Variants in ITFG1 observed in about 807,000 individuals in gnomAD.
ITFG1 encodes integrin alpha FG-GAP repeat containing 1, also known as T-cell immunomodulatory protein.
In ITFG1, 34 loss-of-function variants were observed where a neutral mutation model predicts 81.8. The observed-to-expected ratio is 0.42, with a 90% CI of 0.32 to 0.55. The LOEUF is 0.55. ITFG1 is among the 20% of genes least tolerant of loss of function. The pLI is 0.17. For missense variants in ITFG1, 672 were observed against 755.4 expected, an observed-to-expected ratio of 0.89 and a Z score of 1.29; for synonymous variants, 285 against 270.6, an observed-to-expected ratio of 1.05 and a Z score of -0.52.
intron 14 of ITFG1, among the ~76,000 whole-genome samples, chr16:47,190,738 G>T (rs1965282446): frequency 6.6e-6 from 1 of 152,136 alleles, no homozygotes; most frequent in Non-Finnish European, 1.5e-5. Flanking sequence ...TGCAATTATT[G>T]TTGTGTAACA....
chr16:47,343,764 T>C (rs1230546164), intron 8 of ITFG1, among the ~76,000 whole-genome samples: 2 of 152,128 alleles, frequency 1.3e-5, no homozygotes, highest in African/African-American at 4.8e-5. Flanking sequence ...GAACGTAAAA[T>C]GTTTACATTA....
intron 6 of ITFG1, among the ~76,000 whole-genome samples, chr16:47,406,577 C>T (rs1014631488): frequency 6.6e-6 from 1 of 152,030 alleles, no homozygotes; most frequent in Non-Finnish European, 1.5e-5. Context: ...CTGTCAAGTC[C>T]CTATTTGGTG....
intron 14 of ITFG1, among the ~76,000 whole-genome samples, chr16:47,189,275 G>A (rs540730261): frequency 6.6e-6 from 1 of 152,132 alleles, no homozygotes; most frequent in African/African-American, 2.4e-5. Context: ...GTGGTTTTTA[G>A]TACACTGACA....
At chr16:47,172,042 A>G (rs1964969062) in intron 14 of ITFG1, among the ~76,000 whole-genome samples, 1 of 152,150 alleles carries the variant, frequency 6.6e-6, no homozygotes, top group Admixed American at 6.5e-5. Context: ...TATATAATTA[A>G]CTTGACTTAG....
intron 14 of ITFG1, among the ~76,000 whole-genome samples, chr16:47,195,890 C>T (rs981037577): frequency 6.6e-6 from 1 of 152,050 alleles, no homozygotes; most frequent in Admixed American, 6.6e-5. Context: ...CCCAACAGGC[C>T]CTAGTGTGTG....
In ITFG1 at chr16:47,313,737, T is replaced by C. The variant is rs1466806734; in HGVS notation, c.889A>G (p.Met297Val). 4 of 1,573,070 alleles carry C rather than the reference T, an allele frequency of 2.5e-6. No individual in the cohort carries two copies. Among genetic ancestry groups the C allele is most frequent in the Middle Eastern group, 1.7e-4 (1 of 5,964 alleles). ...AAAACAACTTGATATACCTGCTTCA[T>C]CCCAGATCTCACTAAGTAGATGGTA... is the stretch of plus-strand genomic sequence containing the variant. ...KSTIYLVRSG[M>V]KQWVPVLQDF... The change falls in exon 9 of 18, where the codon ATG (methionine) becomes GTG (valine). Residue 297 changes from methionine (M) to valine (V), a missense_variant. Met to Val is a conservative substitution (Grantham distance 21, BLOSUM62 1). Transcript: ENST00000320640.
rs533443813 is a variant in ITFG1 at position 47,198,026 on chromosome 16, G to A, written c.1453+20842C>T. Among the ~76,000 whole-genome samples, 7 of 152,312 alleles carry A rather than the reference G, an allele frequency of 4.6e-5. No individual in the cohort carries two copies. In the South Asian group the frequency reaches 1.4e-3, roughly 32 times the overall value. On this transcript the variant is annotated intron_variant, in intron 14 of 17. Transcript: ENST00000320640. Reference sequence around the variant, plus strand: ...AGGGCTCAGAGATTACATTGTGGTAGGTAGTGGAATCAGACTGTTATTACG... The same window carrying A: ...AGGGCTCAGAGATTACATTGTGGTAAGTAGTGGAATCAGACTGTTATTACG...
chr16:47,341,116 A>C (rs1047511170), intron 8 of ITFG1, among the ~76,000 whole-genome samples: 2 of 152,058 alleles, frequency 1.3e-5, no homozygotes, highest in Admixed American at 1.3e-4. Flanking sequence ...CACTAGGGAA[A>C]TGAGAAAGTA....
chr16:47,354,254 T>C (rs1968008248), intron 8 of ITFG1, among the ~76,000 whole-genome samples: 1 of 152,142 alleles, frequency 6.6e-6, no homozygotes, highest in African/African-American at 2.4e-5. Context: ...TCCATGCATC[T>C]ACAGCCAGCT....
intron 14 of ITFG1, among the ~76,000 whole-genome samples, chr16:47,193,144 G>A (rs1001999086): frequency 1.3e-5 from 2 of 151,556 alleles, no homozygotes; most frequent in Admixed American, 6.6e-5. Context: ...TTTACATGTT[G>A]GATGGGAAAC....
chr16:47,190,139 T>C (rs1384209872), intron 14 of ITFG1, among the ~76,000 whole-genome samples: 2 of 152,240 alleles, frequency 1.3e-5, no homozygotes, highest in East Asian at 3.9e-4. Context: ...TAATTTTCCT[T>C]GTTGGAGATC....
chr16:47,421,856 G>A (rs1389144508), intron 6 of ITFG1, among the ~76,000 whole-genome samples: 2 of 152,130 alleles, frequency 1.3e-5, no homozygotes, highest in African/African-American at 4.8e-5. Context: ...AGGGTCTGGT[G>A]TGTGATGTTC....
At chr16:47,315,932 G>A (rs961856625) in intron 8 of ITFG1, among the ~76,000 whole-genome samples, 5 of 151,776 alleles carry the variant, frequency 3.3e-5, no homozygotes, top group South Asian at 2.1e-4. Flanking sequence ...CTGGGATTAC[G>A]GGCATCTGCC....
intron 14 of ITFG1, among the ~76,000 whole-genome samples, chr16:47,184,653 G>A (rs1189003786): frequency 6.6e-6 from 1 of 151,914 alleles, no homozygotes; most frequent in Non-Finnish European, 1.5e-5. Flanking sequence ...AGGAACAACT[G>A]GTACCAGCCG....
intron 14 of ITFG1, among the ~76,000 whole-genome samples, chr16:47,193,603 A>G (rs1965319396): frequency 6.6e-6 from 1 of 152,168 alleles, no homozygotes; most frequent in Admixed American, 6.5e-5. Context: ...CTGCAGTGGG[A>G]GGATCTCTTG....
chr16:47,203,125 A>G (rs545102553), intron 14 of ITFG1, among the ~76,000 whole-genome samples: 1 of 152,338 alleles, frequency 6.6e-6, no homozygotes, highest in East Asian at 1.9e-4. Context: ...GAGTGAATAG[A>G]AAAAATGTGG....
intron 5 of ITFG1, among the ~76,000 whole-genome samples, chr16:47,437,860 T>C (rs1046586780): frequency 6.6e-6 from 1 of 152,094 alleles, no homozygotes; most frequent in African/African-American, 2.4e-5. Context: ...CAGCGCACCG[T>C]GTGTGAGCAA....
chr16:47,263,337 A>T lies in ITFG1; in HGVS notation c.1071-2642T>A, dbSNP rs142187555. 121 of 477,960 alleles carry T rather than the reference A, an allele frequency of 2.5e-4. 1 individual carries two copies. Among genetic ancestry groups the T allele is most frequent in the African/African-American group, 2.1e-3 (105 of 49,964 alleles). The allele number at this position is 477,960 out of a possible 1,614,324, so 29.6% of individuals were successfully genotyped here. A position where few individuals can be genotyped will look rare whatever the true frequency, so the allele number is the denominator to read the frequency against. On this transcript the variant is annotated intron_variant, in intron 10 of 17. Coordinates refer to ENST00000320640, the MANE Select transcript of ITFG1 (RefSeq NM_030790.5). ...AACCTGGAAATGGAGCAGGCCTATG[A>T]TCTGGCCCATGAGGTAAGCTACCAA...
intron 12 of ITFG1, among the ~76,000 whole-genome samples, chr16:47,254,673 G>T (rs1966119637): frequency 1.3e-5 from 2 of 152,174 alleles, no homozygotes; most frequent in South Asian, 4.1e-4. Flanking sequence ...AGCACAGGGA[G>T]AACTTGATTT....
Sources: allele counts gnomAD v4.1 joint callset (sites outside exome capture counted in the v4.1 genomes callset), GRCh38; gene constraint gnomAD v4.1.1; transcripts MANE v1.5; gene names NCBI Gene and HGNC (gene_info 2026-07-23, HGNC 2026-07-21).